Variants in DCP1B observed in about 807,000 individuals in gnomAD.
DCP1B encodes mRNA-decapping enzyme 1B.
In DCP1B, 47 loss-of-function variants were observed where a neutral mutation model predicts 60.5. The observed-to-expected ratio is 0.78, with a 90% confidence interval of 0.61 to 0.99. DCP1B has a LOEUF of 0.99. DCP1B is among the 50% of genes least tolerant of loss of function. The pLI, the probability that DCP1B is intolerant of heterozygous loss-of-function variation, is 0.00. For missense variants in DCP1B, 725 were observed against 756.8 expected (o/e 0.96, Z 0.49); for synonymous variants, 267 against 280.3 (o/e 0.95, Z 0.47).
chr12:1,943,628 G>C (rs780814592), downstream of DCP1B, among the ~76,000 whole-genome samples: 87 of 152,278 alleles, frequency 5.7e-4, no homozygotes, highest in Non-Finnish European at 8.8e-4. Context: ...TGCAAGGCTG[G>C]TTCAACATAC....
At chr12:1,947,815 T>C (rs2030494017) in intron 8 of DCP1B, among the ~76,000 whole-genome samples, 1 of 152,178 alleles carries the variant, frequency 6.6e-6, no homozygotes, top group Non-Finnish European at 1.5e-5. Flanking sequence ...TCTAGCCCCA[T>C]TCCTTTCATT....
At position 1,948,139 on chromosome 12, in the gene DCP1B, C is replaced by T. The variant is rs372017883; in HGVS notation, c.1773+947G>A. Among the ~76,000 whole-genome samples the T allele has an allele frequency of 2.4e-4, 37 of 152,350 alleles. No homozygotes were observed. The South Asian group carries it at 7.0e-3, about 29-fold the overall frequency. ...CCAAAAAGACACCTAAATATGTTAA[C>T]TGGGGTGTCTGAAGTCTGTCTGGCT... On this transcript the variant is annotated intron_variant, in intron 8 of 8. Coordinates refer to ENST00000280665, the MANE Select transcript of DCP1B (RefSeq NM_152640.5). The surrounding 1 kb of genome is among the most constrained non-coding windows in gnomAD (Gnocchi z 4.8).
chr12:1,958,016 A>AGT (rs1565764477), intron 5 of DCP1B, among the ~76,000 whole-genome samples: 1 of 125,500 alleles, frequency 8.0e-6, no homozygotes, highest in African/African-American at 2.9e-5. Flanking sequence ...CGCTCTGGGC[A>AGT]GACTTTTTCT....
chr12:1,962,326 C>A lies in DCP1B; in HGVS notation c.522+3232G>T, dbSNP rs112623486. On this transcript the variant is annotated intron_variant, in intron 5 of 8. Coordinates refer to ENST00000280665, the MANE Select transcript of DCP1B (RefSeq NM_152640.5). This position sits in a 1 kb window ranked among gnomAD's most constrained non-coding sequence, Gnocchi z 4.4. ...GGCCAAGCCCTTTGCTATCTCTGAA[C>A]ACTGGCTGGTCACAGGAGGGGCAGT... Among the ~76,000 whole-genome samples the A allele has an allele frequency of 0.027, 4,145 of 152,216 alleles. 94 individuals are homozygous for A. Among genetic ancestry groups the A allele is most frequent in the Middle Eastern group, 0.054 (16 of 294 alleles).
intron 3 of DCP1B, among the ~76,000 whole-genome samples, chr12:1,984,153 A>C (rs1323780732): frequency 2.0e-5 from 3 of 152,062 alleles, no homozygotes; most frequent in Admixed American, 6.5e-5. Flanking sequence ...TAGAAAGCAT[A>C]TAGTTAGGCC....
chr12:2,004,432 C>T lies in DCP1B; in HGVS notation c.-1G>A, dbSNP rs771032950. ...GGCCGCCTGCCGCCACGGCTGCCAT[C>T]TTCCCTCCCTCCCAGACATAGGCAC... On this transcript the variant is annotated 5_prime_UTR_variant, in exon 1 of 9. Coordinates refer to ENST00000280665, the MANE Select transcript of DCP1B (RefSeq NM_152640.5). 3.1e-6 allele frequency: 5 copies of T among 1,607,574 alleles called. No individual in the cohort carries two copies. The highest frequency in any genetic ancestry group is 4.5e-5 in the East Asian group (2 of 44,830).
At chr12:1,994,685 T>C (rs2040369936) in intron 2 of DCP1B, among the ~76,000 whole-genome samples, 2 of 152,238 alleles carry the variant, frequency 1.3e-5, no homozygotes, top group Admixed American at 6.5e-5. Context: ...AAATAAATGA[T>C]TTTTTAAATG....
rs766944947 is a variant in DCP1B at position 1,952,796 on chromosome 12, G to C, written c.1144C>G (p.Leu382Val). The C allele has an allele frequency of 6.2e-7, 1 of 1,614,214 alleles. No homozygotes were observed. ...GAAGTGGGAGCTCTGCTGCGGTTCAGGGCAGCTGAGCTGGCAGGTGCTGGT... is the reference window on the plus strand; with the variant it reads ...GAAGTGGGAGCTCTGCTGCGGTTCACGGCAGCTGAGCTGGCAGGTGCTGGT... ...STPAPASSAA[L>V]NRSRAPTSVT... Residue 382 changes from leucine (L) to valine (V), a missense_variant, in exon 7 of 9, where the codon CTG becomes GTG. Transcript: ENST00000280665.
chr12:1,958,977 G>A (rs552489271), intron 5 of DCP1B, among the ~76,000 whole-genome samples: 3 of 149,192 alleles, frequency 2.0e-5, no homozygotes, highest in South Asian at 2.2e-4. Flanking sequence ...GCTCCCCAAC[G>A]TCGCTCTGGG....
chr12:1,996,973 C>T (rs1035515700), intron 2 of DCP1B, among the ~76,000 whole-genome samples: 1 of 152,128 alleles, frequency 6.6e-6, no homozygotes, highest in Non-Finnish European at 1.5e-5. Flanking sequence ...TCTTTGTACC[C>T]TCATTGAAGG....
downstream of DCP1B, among the ~76,000 whole-genome samples, chr12:1,943,317 C>G (rs532142763): frequency 6.6e-6 from 1 of 151,272 alleles, no homozygotes; most frequent in Non-Finnish European, 1.5e-5. Flanking sequence ...AGCCTATCAA[C>G]CCAGGACCAG....
chr12:1,980,864 T>C (rs1467403194), intron 3 of DCP1B, among the ~76,000 whole-genome samples: 2 of 151,984 alleles, frequency 1.3e-5, no homozygotes, highest in Admixed American at 1.3e-4. Context: ...AATTAAGATA[T>C]CAAGTTTAAC....
At chr12:1,955,804 G>GA (rs1162748155) in intron 5 of DCP1B, among the ~76,000 whole-genome samples, 1 of 152,114 alleles carries the variant, frequency 6.6e-6, no homozygotes, top group Non-Finnish European at 1.5e-5. Flanking sequence ...CAGCCTCCAG[G>GA]ACCAGGGGTT....
chr12:1,982,884 T>C (rs2036556576), intron 3 of DCP1B, among the ~76,000 whole-genome samples: 1 of 152,140 alleles, frequency 6.6e-6, no homozygotes, highest in Non-Finnish European at 1.5e-5. Flanking sequence ...GAACATTTGG[T>C]AGAATTCACC....
intron 3 of DCP1B, among the ~76,000 whole-genome samples, chr12:1,973,185 T>C (rs2033090274): frequency 6.6e-6 from 1 of 152,220 alleles, no homozygotes; most frequent in African/African-American, 2.4e-5. Context: ...AGCACTGTTA[T>C]CTTTGGCCCC....
chr12:2,001,107 C>T (rs2042109532), intron 1 of DCP1B, among the ~76,000 whole-genome samples: 1 of 152,016 alleles, frequency 6.6e-6, no homozygotes, highest in Non-Finnish European at 1.5e-5. Context: ...ACGTCAGGCG[C>T]TCTATGACAC....
rs1318103100 is a variant in DCP1B at position 1,971,020 on chromosome 12, A to G, written c.320-3110T>C. On this transcript the variant is annotated intron_variant, in intron 3 of 8. Transcript: ENST00000280665. This position sits in a 1 kb window ranked among gnomAD's most constrained non-coding sequence, Gnocchi z 4.2. ...GAGATCATGAGCAGGATAATTATTT[A>G]GCTTTAAAAATCAACCAATTAATAT... 1.4e-5 allele frequency: 17 copies of G among 1,225,646 alleles called. No homozygotes were observed. In the South Asian group the frequency reaches 2.2e-4, roughly 16 times the overall value. The allele number at this position is 1,225,646 out of a possible 1,614,324, so 75.9% of individuals were successfully genotyped here. A position where few individuals can be genotyped will look rare whatever the true frequency, so the allele number is the denominator to read the frequency against.
intron 5 of DCP1B, among the ~76,000 whole-genome samples, chr12:1,961,682 C>T (rs1565766666): frequency 6.6e-6 from 1 of 152,082 alleles, no homozygotes; most frequent in Non-Finnish European, 1.5e-5. Flanking sequence ...ACTGAGTTCA[C>T]ATGGAAGAAT....
chr12:2,000,378 G>C lies in DCP1B; in HGVS notation c.151-2403C>G, dbSNP rs534379707. Among the ~76,000 whole-genome samples the C allele has an allele frequency of 1.1e-4, 17 of 151,852 alleles. No individual in the cohort carries two copies. In the East Asian group the frequency reaches 2.1e-3, roughly 19 times the overall value. ...TGTTTCATCTTAGAGATCTGAATAA[G>C]GATATCTATATATATCAGCACACAT... On this transcript the variant is annotated intron_variant, in intron 1 of 8. Coordinates refer to ENST00000280665, the MANE Select transcript of DCP1B (RefSeq NM_152640.5).
Sources: allele counts gnomAD v4.1 joint callset (sites outside exome capture counted in the v4.1 genomes callset), GRCh38; gene constraint gnomAD v4.1.1; non-coding constraint Gnocchi (gnomAD v3.1); transcripts MANE v1.5; gene names NCBI Gene and HGNC (gene_info 2026-07-23, HGNC 2026-07-21).